The following CCDC68 variants were observed in gnomAD, a reference collection of about 807,000 sequenced individuals.
CCDC68 encodes coiled-coil domain containing 68.
In CCDC68, 45 loss-of-function variants were observed where a neutral mutation model predicts 47.1. The observed-to-expected ratio is 0.96, with a 90% confidence interval of 0.75 to 1.23. CCDC68 has a LOEUF of 1.23. Among genes scored for constraint, CCDC68 ranks in the 50% most tolerant of loss-of-function variants. The pLI is 0.00. For missense variants in CCDC68, 353 were observed against 373.6 expected (o/e 0.94, Z 0.45); for synonymous variants, 131 against 129.5 (o/e 1.01, Z -0.08).
chr18:54,912,352 T>A (rs573848102), intron 10 of CCDC68, among the ~76,000 whole-genome samples: 1 of 152,236 alleles, frequency 6.6e-6, no homozygotes, highest in South Asian at 2.1e-4. Context: ...CTGGTGATAT[T>A]TAAAACTGGC....
intron 1 of CCDC68, among the ~76,000 whole-genome samples, chr18:54,953,359 A>T (rs149409529): frequency 6.6e-6 from 1 of 152,202 alleles, no homozygotes; most frequent in Non-Finnish European, 1.5e-5. Context: ...ACCTGGCAGG[A>T]TCTAAAAAAA....
Position 54,928,898 on chromosome 18 carries a change from A to G in CCDC68, c.601-16T>C, listed in dbSNP as rs574406594. Reference sequence around the variant, plus strand: ...TTCTCTTTTCCTAGGAGAAAATAAGATACAAATTTTGCTAAACTGCATGTG... The same window carrying G: ...TTCTCTTTTCCTAGGAGAAAATAAGGTACAAATTTTGCTAAACTGCATGTG... On this transcript the variant is annotated splice_polypyrimidine_tract_variant and intron_variant, in intron 7 of 11. Transcript: ENST00000591504. 8 of 1,541,714 alleles carry G rather than the reference A, an allele frequency of 5.2e-6. No individual in the cohort carries two copies. The Admixed American group carries it at 8.4e-5, about 16-fold the overall frequency.
rs376301777 is a variant in CCDC68, at chr18:54,951,265, A to G, written c.-102-5788T>C. On this transcript the variant is annotated intron_variant, in intron 1 of 11. Coordinates refer to ENST00000591504, the MANE Select transcript of CCDC68 (RefSeq NM_025214.3). ...ATAGTTCACTGGCATAATTTGAAAC[A>G]TTGAAAAACAGCTGAAAGCTTCAGC... Among the ~76,000 whole-genome samples the G allele has an allele frequency of 3.2e-4, 48 of 152,294 alleles. No individual in the cohort carries two copies. The East Asian group carries it at 7.9e-3, about 25-fold the overall frequency.
intron 2 of CCDC68, among the ~76,000 whole-genome samples, chr18:54,944,677 T>C (rs1048231940): frequency 2.0e-5 from 3 of 152,194 alleles, no homozygotes; most frequent in African/African-American, 4.8e-5. Flanking sequence ...CTATATTTCA[T>C]AGCAACCAAG....
chr18:54,919,348 T>C lies in CCDC68; in HGVS notation c.712A>G (p.Ile238Val). 1 of 1,613,922 alleles carries C rather than the reference T, an allele frequency of 6.2e-7. No individual in the cohort carries two copies. Among genetic ancestry groups the C allele is most frequent in the Non-Finnish European group, 8.5e-7 (1 of 1,179,874 alleles). Residue 238 changes from isoleucine (I) to valine (V), a missense_variant, in exon 9 of 12, where the codon ATT (isoleucine) becomes GTT (valine). Coordinates refer to ENST00000591504, the MANE Select transcript of CCDC68 (RefSeq NM_025214.3). ...SCQDLQREIS[I>V]LQEQISHLQF... The stretch of plus-strand genomic sequence containing the variant: ...AGATGAGAGATCTGCTCCTGGAGAA[T>C]GGAAATCTCCCTCTGAAGATCCTGG...
At position 54,934,880 on chromosome 18, in the gene CCDC68, T is replaced by G; in HGVS notation, c.540A>C (p.Lys180Asn). Reference protein sequence around the residue: ...HVENLNQVAEKLEEKHSQITE... With the variant: ...HVENLNQVAENLEEKHSQITE... ...TAATTTGACTGTGTTTTTCTTCAAG[T>G]TTTTCAGCAACTTGATTCAGATTTT... The change falls in exon 7 of 12, where the codon AAA (lysine) becomes AAC (asparagine). Residue 180 changes from lysine to asparagine, a missense_variant. Lys to Asn is a moderately conservative substitution (Grantham distance 94, BLOSUM62 0). Coordinates refer to ENST00000591504, the MANE Select transcript of CCDC68 (RefSeq NM_025214.3). 6.2e-7 allele frequency: 1 copy of G among 1,603,864 alleles called. No homozygotes were observed. The highest frequency in any genetic ancestry group is 8.5e-7 in the Non-Finnish European group (1 of 1,175,522).
intron 8 of CCDC68, among the ~76,000 whole-genome samples, chr18:54,927,643 T>A (rs190031793): frequency 2.2e-4 from 34 of 152,376 alleles, no homozygotes; most frequent in African/African-American, 7.2e-4. Context: ...TCTACAGTAT[T>A]TCCTTCAATC....
At chr18:54,933,299 C>G (rs187312899) in intron 7 of CCDC68, among the ~76,000 whole-genome samples, 92 of 152,126 alleles carry the variant, frequency 6.0e-4, no homozygotes, top group Non-Finnish European at 9.7e-4. Flanking sequence ...CCAGGATGGT[C>G]TCGATCTCTT....
At chr18:54,925,616 C>G (rs749623144) in intron 8 of CCDC68, among the ~76,000 whole-genome samples, 8 of 152,068 alleles carry the variant, frequency 5.3e-5, no homozygotes, top group Non-Finnish European at 7.4e-5. Flanking sequence ...TGTGAATAGC[C>G]CTACATAGAA....
chr18:54,906,128 C>G (rs1405591665), intron 11 of CCDC68, among the ~76,000 whole-genome samples: 2 of 151,914 alleles, frequency 1.3e-5, no homozygotes, highest in Admixed American at 1.3e-4. Flanking sequence ...TGAATCACCC[C>G]GAAACTATCC....
chr18:54,920,387 T>C (rs2044037270), intron 8 of CCDC68, among the ~76,000 whole-genome samples: 1 of 151,982 alleles, frequency 6.6e-6, no homozygotes, highest in Non-Finnish European at 1.5e-5. Flanking sequence ...ATTACAAGCA[T>C]GCACCACCAC....
At position 54,941,040 on chromosome 18, in the gene CCDC68, T is replaced by C. The variant is rs200567574; in HGVS notation, c.161A>G (p.Asp54Gly). The change falls in exon 4 of 12, where the codon GAT becomes GGT. Residue 54 changes from aspartate to glycine, a missense_variant. Physicochemically the swap from Asp to Gly is moderately conservative, Grantham distance 94 (BLOSUM62 -1). Coordinates refer to ENST00000591504, the MANE Select transcript of CCDC68 (RefSeq NM_025214.3). ...ATTTGTACTGTCATGTCTTATTTCA[T>C]CTTTAAACATCTGGGTCCTGATCTT... Reference protein sequence around the residue: ...LQKIRTQMFKDEIRHDSTNHK... With the variant: ...LQKIRTQMFKGEIRHDSTNHK... 12 of 1,612,760 alleles carry C rather than the reference T, an allele frequency of 7.4e-6. No individual in the cohort carries two copies. In the East Asian group the frequency reaches 2.2e-4, roughly 30 times the overall value.
chr18:54,953,984 TC>T (rs2044665873), intron 1 of CCDC68, among the ~76,000 whole-genome samples: 3 of 53,714 alleles, frequency 5.6e-5, no homozygotes, highest in Admixed American at 3.6e-4. Flanking sequence ...TCCCCTCCCC[TC>T]CCCTCCCCTC....
intron 1 of CCDC68, among the ~76,000 whole-genome samples, chr18:54,958,571 G>A (rs12970399): frequency 6.6e-6 from 1 of 152,138 alleles, no homozygotes; most frequent in Admixed American, 6.5e-5. Context: ...ATGGGGAGCA[G>A]GTACACCTTC....
chr18:54,936,271 T>C (rs550458122), intron 6 of CCDC68, among the ~76,000 whole-genome samples: 3 of 145,422 alleles, frequency 2.1e-5, no homozygotes, highest in East Asian at 2.0e-4. Flanking sequence ...AAATATATAG[T>C]TATATATTTT....
chr18:54,958,577 C>A (rs1251377905), intron 1 of CCDC68, among the ~76,000 whole-genome samples: 1 of 152,152 alleles, frequency 6.6e-6, no homozygotes, highest in Non-Finnish European at 1.5e-5. Flanking sequence ...AGCAGGTACA[C>A]CTTCAGTTAT....
At chr18:54,920,983 T>TTA (rs2044049712) in intron 8 of CCDC68, among the ~76,000 whole-genome samples, 1 of 152,186 alleles carries the variant, frequency 6.6e-6, no homozygotes, top group African/African-American at 2.4e-5. Context: ...AGAAAATGTG[T>TTA]TATATATACA....
At chr18:54,936,255 A>G (rs1046043368) in intron 6 of CCDC68, among the ~76,000 whole-genome samples, 2 of 145,152 alleles carry the variant, frequency 1.4e-5, no homozygotes, top group Admixed American at 1.4e-4. Flanking sequence ...AGTTATATAT[A>G]TTTAAAAATA....
At chr18:54,950,584 G>A (rs912595047) in intron 1 of CCDC68, among the ~76,000 whole-genome samples, 8 of 152,034 alleles carry the variant, frequency 5.3e-5, no homozygotes, top group African/African-American at 1.9e-4. Flanking sequence ...CTAATCATTT[G>A]TATATACACA....
Sources: allele counts gnomAD v4.1 joint callset (sites outside exome capture counted in the v4.1 genomes callset), GRCh38; gene constraint gnomAD v4.1.1; transcripts MANE v1.5; gene names NCBI Gene and HGNC (gene_info 2026-07-23, HGNC 2026-07-21).